The following SNRPD1 variants were observed in gnomAD, a reference collection of about 807,000 sequenced individuals.
SNRPD1 encodes small nuclear ribonucleoprotein D1 polypeptide.
In SNRPD1, 1 loss-of-function variant was observed where a neutral mutation model predicts 14.4. The observed-to-expected ratio is 0.07, with a 90% CI of 0.02 to 0.33. SNRPD1 has a LOEUF of 0.33. Among genes scored for constraint, SNRPD1 ranks in the 10% least tolerant of loss-of-function variants. The pLI is 1.00. For missense variants in SNRPD1, 52 were observed against 146.4 expected (o/e 0.36, Z 3.33); for synonymous variants, 42 against 50.3 (o/e 0.83, Z 0.70).
intron 1 of SNRPD1, among the ~76,000 whole-genome samples, chr18:21,613,281 T>A (rs1187948273): frequency 1.3e-5 from 2 of 152,230 alleles, no homozygotes; most frequent in East Asian, 3.8e-4. Context: ...TTGGTGTTTT[T>A]CCTTGAGACT....
At chr18:21,615,124 A>T (rs1008961178) in intron 1 of SNRPD1, among the ~76,000 whole-genome samples, 1 of 152,202 alleles carries the variant, frequency 6.6e-6, no homozygotes, top group Non-Finnish European at 1.5e-5. Flanking sequence ...CTCTGGCTCC[A>T]TACCCCTAGA....
At chr18:21,627,016 C>A (rs1234950102) in intron 3 of SNRPD1, among the ~76,000 whole-genome samples, 1 of 145,760 alleles carries the variant, frequency 6.9e-6, no homozygotes, top group Non-Finnish European at 1.5e-5. Context: ...CAGCTGGGCG[C>A]GGTGGCTCAC....
intron 1 of SNRPD1, among the ~76,000 whole-genome samples, chr18:21,618,677 G>A (rs2146257534): frequency 6.6e-6 from 1 of 152,174 alleles, no homozygotes; most frequent in African/African-American, 2.4e-5. Context: ...CCAATTCGTT[G>A]AGAAAAACGT....
At position 21,633,518 on chromosome 18, in the gene SNRPD1, T is replaced by G. The variant is rs1350095137; in HGVS notation, c.*4380T>G. ...GATCTGTGAAATAAAGAGGAGTACTTTCTTTTCGTTTTTTTTTCTTTTCTT... is the reference window on the plus strand; with the variant it reads ...GATCTGTGAAATAAAGAGGAGTACTGTCTTTTCGTTTTTTTTTCTTTTCTT... On this transcript the variant is annotated 3_prime_UTR_variant, in exon 4 of 4. Coordinates refer to ENST00000300413, the MANE Select transcript of SNRPD1 (RefSeq NM_006938.4). The G allele has an allele frequency of 6.6e-6, 1 of 152,076 alleles. No individual in the cohort carries two copies. The highest frequency in any genetic ancestry group is 1.5e-5 in the Non-Finnish European group (1 of 68,030). 9.4% of individuals were successfully genotyped at this position (152,076 alleles called of 1,614,324 possible).
At chr18:21,613,171 A>G (rs899906586) in intron 1 of SNRPD1, among the ~76,000 whole-genome samples, 1 of 152,178 alleles carries the variant, frequency 6.6e-6, no homozygotes, top group Admixed American at 6.5e-5. Flanking sequence ...CTCCTGTTTT[A>G]TTTCTTAAGA....
At chr18:21,625,591 C>T (rs2039031900) in intron 3 of SNRPD1, among the ~76,000 whole-genome samples, 2 of 151,922 alleles carry the variant, frequency 1.3e-5, no homozygotes, top group South Asian at 2.1e-4. Flanking sequence ...GCTGGGATTA[C>T]AGGCAGGAAC....
At chr18:21,614,283 A>G (rs1256964202) in intron 1 of SNRPD1, among the ~76,000 whole-genome samples, 2 of 152,084 alleles carry the variant, frequency 1.3e-5, no homozygotes, top group African/African-American at 2.4e-5. Flanking sequence ...AGAAAATTAC[A>G]TTTTTTGAAA....
At position 21,612,379 on chromosome 18, in the gene SNRPD1, G is replaced by A; in HGVS notation, c.-51G>A. ...TCATACTGCAGTCGGTCAGTGTTCG[G>A]TTGAAGGATTCTGTGTGCTGTCGGA... On this transcript the variant is annotated 5_prime_UTR_variant, in exon 1 of 4. Coordinates refer to ENST00000300413, the MANE Select transcript of SNRPD1 (RefSeq NM_006938.4). 1 of 1,498,406 alleles carries A rather than the reference G, an allele frequency of 6.7e-7. No homozygotes were observed. 92.8% of individuals were successfully genotyped at this position (1,498,406 alleles called of 1,614,324 possible).
Position 21,632,236 on chromosome 18 carries a change from GA to G in SNRPD1, c.*3100del, listed in dbSNP as rs1207439375. The G allele has an allele frequency of 6.6e-6, 1 of 152,100 alleles. No individual in the cohort carries two copies. Among genetic ancestry groups the G allele is most frequent in the Non-Finnish European group, 1.5e-5 (1 of 68,034 alleles). The allele number at this position is 152,100 out of a possible 1,614,324, so 9.4% of individuals were successfully genotyped here. On this transcript the variant is annotated 3_prime_UTR_variant, in exon 4 of 4. Transcript: ENST00000300413. ...AGCACTTTGGGAGGCCGAGATGGGC[GA>G]ATCACTTGAGGTCAGGAGTTCGAGA... is the stretch of plus-strand genomic sequence containing the variant.
chr18:21,628,613 T>G (rs1568126643), intron 3 of SNRPD1, among the ~76,000 whole-genome samples: 1 of 152,192 alleles, frequency 6.6e-6, no homozygotes, highest in Non-Finnish European at 1.5e-5. Flanking sequence ...TGATTTGATG[T>G]AATACATTTA....
At position 21,623,731 on chromosome 18, in the gene SNRPD1, A is replaced by G. The variant is rs754927231; in HGVS notation, c.92-17A>G. ...CTTGTATCATACTAATAACTGCACA[A>G]TTATTTTCCTCTTTAGGTGTGGATG... On this transcript the variant is annotated splice_polypyrimidine_tract_variant and intron_variant, in intron 2 of 3. Coordinates refer to ENST00000300413, the MANE Select transcript of SNRPD1 (RefSeq NM_006938.4). The G allele has an allele frequency of 4.7e-5, 75 of 1,583,726 alleles. No individual in the cohort carries two copies. Among genetic ancestry groups the G allele is most frequent in the Non-Finnish European group, 5.6e-5 (65 of 1,161,064 alleles).
At chr18:21,625,316 A>ATTTTTTTTTTTTTTTTTTTTT (rs144395165) in intron 3 of SNRPD1, among the ~76,000 whole-genome samples, 12 of 109,102 alleles carry the variant, frequency 1.1e-4, no homozygotes, top group African/African-American at 4.0e-4. Context: ...GTTGAAAAAA[A>ATTTTTTTTTTTTTTTTTTTTT]TTTTTTTTTT....
chr18:21,628,968 C>T, intron 3 of SNRPD1, 94 bp from the exon 4 acceptor site: 1 of 916,972 alleles, frequency 1.1e-6, no homozygotes. Context: ...GAGCTATAAA[C>T]AGGGAAAGGT....
chr18:21,627,449 T>C (rs2039048795), intron 3 of SNRPD1, among the ~76,000 whole-genome samples: 1 of 143,014 alleles, frequency 7.0e-6, no homozygotes, highest in African/African-American at 2.6e-5. Flanking sequence ...TTTTTTTTTT[T>C]TTTTTTTTGA....
intron 3 of SNRPD1, 66 bp from the exon 4 acceptor site, chr18:21,628,996 T>G: frequency 8.5e-7 from 1 of 1,174,378 alleles, no homozygotes; most frequent in Admixed American, 1.7e-5. Context: ...TAAATGTTGT[T>G]TGTGGTGTCT....
chr18:21,624,701 A>T (rs201846369), intron 3 of SNRPD1, among the ~76,000 whole-genome samples: 3,713 of 146,046 alleles, frequency 0.025, 80 homozygotes, highest in African/African-American at 0.06. Flanking sequence ...AAAAAAAAAA[A>T]ATATATATAT....
At chr18:21,615,605 G>A (rs2038951339) in intron 1 of SNRPD1, among the ~76,000 whole-genome samples, 1 of 150,848 alleles carries the variant, frequency 6.6e-6, no homozygotes, top group South Asian at 2.1e-4. Flanking sequence ...GCAACAGAGC[G>A]AGACTCCGTC....
At chr18:21,620,366 G>C (rs2038988658) in intron 1 of SNRPD1, among the ~76,000 whole-genome samples, 1 of 152,138 alleles carries the variant, frequency 6.6e-6, no homozygotes, top group Non-Finnish European at 1.5e-5. Flanking sequence ...CTCTCAAAGT[G>C]GTGAAATTAC....
Position 21,616,986 on chromosome 18 carries a change from T to G in SNRPD1, c.14+4543T>G, listed in dbSNP as rs531559528. Among the ~76,000 whole-genome samples, 5 of 152,150 alleles carry G rather than the reference T, an allele frequency of 3.3e-5. No individual in the cohort carries two copies. In the East Asian group the frequency reaches 9.7e-4, roughly 30 times the overall value. ...CAGGCGTGAGCCACTGTGCCCAGCC[T>G]ATATCTGGAACTCTTGGGCTCAAGT... is the stretch of plus-strand genomic sequence containing the variant. On this transcript the variant is annotated intron_variant, in intron 1 of 3. Coordinates refer to ENST00000300413, the MANE Select transcript of SNRPD1 (RefSeq NM_006938.4).
Sources: allele counts gnomAD v4.1 joint callset (sites outside exome capture counted in the v4.1 genomes callset), GRCh38; gene constraint gnomAD v4.1.1; transcripts MANE v1.5; gene names NCBI Gene and HGNC (gene_info 2026-07-23, HGNC 2026-07-21).